The following CDKAL1 variants were observed in gnomAD, a reference collection of about 807,000 sequenced individuals.
CDKAL1 encodes the protein threonylcarbamoyladenosine tRNA methylthiotransferase.
Under a neutral mutation model 68.2 loss-of-function variants are expected in CDKAL1, and 32 were observed. That is an observed-to-expected ratio of 0.47 (90% CI 0.35 to 0.63). The LOEUF (loss-of-function observed/expected upper bound fraction) is 0.63, where lower values mean the gene tolerates loss of function less well. CDKAL1 is among the 30% of genes least tolerant of loss of function. The pLI, the probability that CDKAL1 is intolerant of heterozygous loss-of-function variation, is 0.00. For missense variants in CDKAL1, 606 were observed against 696.7 expected (o/e 0.87, Z 1.47); for synonymous variants, 234 against 244.3 (o/e 0.96, Z 0.39).
chr6:21,033,087 T>C (rs928877720), intron 11 of CDKAL1, among the ~76,000 whole-genome samples: 1 of 152,042 alleles, frequency 6.6e-6, no homozygotes, highest in Non-Finnish European at 1.5e-5. Flanking sequence ...GGTAAACTGG[T>C]TTGGTTTTAG....
chr6:20,575,531 A>G (rs2127683083), intron 4 of CDKAL1, among the ~76,000 whole-genome samples: 1 of 151,998 alleles, frequency 6.6e-6, no homozygotes, highest in African/African-American at 2.4e-5. Context: ...AGAAATTCAT[A>G]TGATTTTTCT....
chr6:21,228,942 A>C (rs1659961564), intron 15 of CDKAL1, among the ~76,000 whole-genome samples: 1 of 152,170 alleles, frequency 6.6e-6, no homozygotes, highest in Non-Finnish European at 1.5e-5. Context: ...GTCTTCGTGC[A>C]CCACTGAGCT....
chr6:21,015,655 G>T (rs540260564), intron 11 of CDKAL1, among the ~76,000 whole-genome samples: 1 of 151,942 alleles, frequency 6.6e-6, no homozygotes, highest in Non-Finnish European at 1.5e-5. Context: ...AGCCGGGTGC[G>T]GTGGCTCACA....
chr6:21,141,300 G>A (rs894400737), intron 13 of CDKAL1, among the ~76,000 whole-genome samples: 1 of 152,052 alleles, frequency 6.6e-6, no homozygotes, highest in African/African-American at 2.4e-5. Flanking sequence ...AATCCTTCAG[G>A]ACTCACTCAG....
Position 20,993,448 on chromosome 6 carries a change from T to A in CDKAL1, c.910-6779T>A, listed in dbSNP as rs1293558229. On this transcript the variant is annotated intron_variant, in intron 10 of 15. Coordinates refer to ENST00000274695, the MANE Select transcript of CDKAL1 (RefSeq NM_017774.3). ...AGAGGGCTTTCTGTTTGATCGCTAT[T>A]GGTGTGGATGTAAACGCATCTCAAT... 2.6e-5 allele frequency: 4 copies of A among 152,298 alleles called. No individual in the cohort carries two copies. In the East Asian group the frequency reaches 7.7e-4, roughly 29 times the overall value. The allele number at this position is 152,298 out of a possible 1,614,324, so 9.4% of individuals were successfully genotyped here.
intron 4 of CDKAL1, among the ~76,000 whole-genome samples, chr6:20,555,897 C>T (rs1764021686): frequency 6.6e-6 from 1 of 151,944 alleles, no homozygotes; most frequent in Non-Finnish European, 1.5e-5. Flanking sequence ...GCTGGGATTA[C>T]AGGCATGAGC....
chr6:20,593,615 A>AG (rs1301964332), intron 4 of CDKAL1, among the ~76,000 whole-genome samples: 1 of 128,896 alleles, frequency 7.8e-6, no homozygotes, highest in East Asian at 2.1e-4. Flanking sequence ...TAAAAAAAAA[A>AG]AAAGAAACCC....
At chr6:21,010,695 A>G (rs1767963181) in intron 11 of CDKAL1, among the ~76,000 whole-genome samples, 1 of 152,172 alleles carries the variant, frequency 6.6e-6, no homozygotes, top group African/African-American at 2.4e-5. Context: ...TAATATCGAA[A>G]AGGTGCCCTA....
chr6:20,822,615 A>G (rs535732678), intron 8 of CDKAL1, among the ~76,000 whole-genome samples: 12 of 152,226 alleles, frequency 7.9e-5, no homozygotes, highest in African/African-American at 2.9e-4. Flanking sequence ...CATAATCCCC[A>G]TGTGTCACGG....
chr6:20,574,229 CTA>C (rs1284534912), intron 4 of CDKAL1, among the ~76,000 whole-genome samples: 1 of 152,114 alleles, frequency 6.6e-6, no homozygotes, highest in African/African-American at 2.4e-5. Context: ...CAAAAATAAA[CTA>C]TAAAATAGAT....
At chr6:20,799,620 C>G (rs917504238) in intron 8 of CDKAL1, 4 of 152,128 alleles carry the variant, frequency 2.6e-5, no homozygotes, top group Non-Finnish European at 4.4e-5. Context: ...GCAATTCCTG[C>G]CAGTCTCCAT....
chr6:21,064,310 T>A (rs1346605910), intron 11 of CDKAL1, among the ~76,000 whole-genome samples: 1 of 152,000 alleles, frequency 6.6e-6, no homozygotes, highest in Non-Finnish European at 1.5e-5. Context: ...AAAAAAAGAT[T>A]ATTGAAAAAA....
intron 12 of CDKAL1, among the ~76,000 whole-genome samples, chr6:21,107,190 G>A (rs1360749395): frequency 2.6e-5 from 4 of 151,736 alleles, no homozygotes; most frequent in Non-Finnish European, 4.4e-5. Flanking sequence ...CTTGTGATCC[G>A]CCCACTTCGG....
chr6:20,797,303 C>T (rs1776147922), intron 8 of CDKAL1, among the ~76,000 whole-genome samples: 1 of 152,162 alleles, frequency 6.6e-6, no homozygotes, highest in African/African-American at 2.4e-5. Context: ...GATCCTATAA[C>T]TCACCTATTC....
chr6:20,996,844 C>T (rs1394883301), intron 10 of CDKAL1, among the ~76,000 whole-genome samples: 1 of 152,136 alleles, frequency 6.6e-6, no homozygotes, highest in African/African-American at 2.4e-5. Context: ...ATGATGTATG[C>T]CTGTACTTAT....
intron 9 of CDKAL1, among the ~76,000 whole-genome samples, chr6:20,939,807 GT>G (rs1763887683): frequency 6.6e-6 from 1 of 152,100 alleles, no homozygotes; most frequent in Non-Finnish European, 1.5e-5. Flanking sequence ...AAGAAAAGTT[GT>G]ATAGATCACA....
At chr6:20,942,436 C>T (rs763755854) in intron 9 of CDKAL1, among the ~76,000 whole-genome samples, 29 of 148,356 alleles carry the variant, frequency 2.0e-4, no homozygotes, top group Non-Finnish European at 2.8e-4. Flanking sequence ...GGCGTGATCT[C>T]GGCTCACTGC....
intron 13 of CDKAL1, among the ~76,000 whole-genome samples, chr6:21,162,667 G>A (rs980045632): frequency 6.6e-6 from 1 of 152,232 alleles, no homozygotes; most frequent in Non-Finnish European, 1.5e-5. Flanking sequence ...GCTGACGCCT[G>A]TAATCCTAGC....
At chr6:20,535,515 T>C (rs183494941) in intron 2 of CDKAL1, 121 bp downstream of exon 2, 11 of 152,402 alleles carry the variant, frequency 7.2e-5, no homozygotes, top group African/African-American at 2.6e-4. Context: ...GGAAACATTG[T>C]GCTTTACATA....
Sources: gnomAD v4.1 joint callset for allele counts (sites outside exome capture counted in the v4.1 genomes callset) on GRCh38, gnomAD v4.1.1 for gene constraint, MANE v1.5 for transcripts, NCBI Gene and HGNC (gene_info 2026-07-23, HGNC 2026-07-21) for gene names.